PKP2: variants seen among roughly 807,000 people sequenced by gnomAD.
PKP2 encodes plakophilin 2, also known as plakophilin-2.
PKP2 carries 73 observed loss-of-function variants against 83.4 expected under a neutral mutation model. The ratio of observed to expected loss-of-function variants is 0.88; its 90% CI spans 0.72 to 1.06. PKP2 has a LOEUF of 1.06. PKP2 is among the 50% of genes least tolerant of loss of function. The pLI is 0.00. For synonymous variants in PKP2, 409 were observed against 430.4 expected (o/e 0.95, Z 0.62); for missense variants, 966 against 1,065.4 (o/e 0.91, Z 1.30).
intron 1 of PKP2, among the ~76,000 whole-genome samples, chr12:32,895,562 A>C (rs1957115036): frequency 6.6e-6 from 1 of 152,214 alleles, no homozygotes; most frequent in Non-Finnish European, 1.5e-5. Flanking sequence ...AAGCCAACAT[A>C]GTGCTTTTAT....
At chr12:32,797,485 ACCCACGT>A in intron 10 of PKP2, among the ~76,000 whole-genome samples, 1 of 147,350 alleles carries the variant, frequency 6.8e-6, no homozygotes. Context: ...TTACCAAAAA[ACCCACGT>A]AAGAAACCTG....
chr12:32,831,778 A>T (rs1956503437), intron 6 of PKP2, among the ~76,000 whole-genome samples: 1 of 152,212 alleles, frequency 6.6e-6, no homozygotes, highest in Non-Finnish European at 1.5e-5. Flanking sequence ...TATGAATAGG[A>T]CAGTGGAAAA....
chr12:32,851,899 C>A (rs1204521331), intron 4 of PKP2, among the ~76,000 whole-genome samples: 3 of 152,098 alleles, frequency 2.0e-5, no homozygotes, highest in East Asian at 1.9e-4. Context: ...TCCTTCTATC[C>A]AAATACGTAA....
At chr12:32,859,111 G>A (rs1329208989) in intron 4 of PKP2, among the ~76,000 whole-genome samples, 2 of 152,080 alleles carry the variant, frequency 1.3e-5, no homozygotes, top group Admixed American at 6.5e-5. Flanking sequence ...TATGTCAATT[G>A]TATTTGTTAT....
At position 32,792,160 on chromosome 12, in the gene PKP2, T is replaced by C; in HGVS notation, c.*264A>G. On this transcript the variant is annotated 3_prime_UTR_variant, in exon 13 of 13. Transcript: ENST00000340811. ...CTTCCACATGAATTCACATTTTGAT[T>C]CCAGGAAGCCATGTACCATAAGCCC... The C allele has an allele frequency of 2.0e-6, 1 of 500,586 alleles. No individual in the cohort carries two copies. Among genetic ancestry groups the C allele is most frequent in the South Asian group, 2.2e-5 (1 of 45,398 alleles). 31.0% of individuals were successfully genotyped at this position (500,586 alleles called of 1,614,324 possible).
In PKP2 at chr12:32,792,489, G is replaced by T; in HGVS notation, c.2449C>A (p.Gln817Lys). Residue 817 changes from glutamine (Q) to lysine (K), a missense_variant, in exon 13 of 13, where the codon CAG becomes AAG. By Grantham distance (53) the Gln-to-Lys change is moderately conservative. Transcript: ENST00000340811. ...TELHHAYKKA[Q>K]FKKTDFVNSR... ...TTGACAAAATCTGTCTTCTTAAACT[G>T]AGCCTTTGGAATAAGCAAACAGAAA... 1 of 1,613,334 alleles carries T rather than the reference G, an allele frequency of 6.2e-7. No homozygotes were observed. Among genetic ancestry groups the T allele is most frequent in the Non-Finnish European group, 8.5e-7 (1 of 1,179,326 alleles).
intron 5 of PKP2, among the ~76,000 whole-genome samples, chr12:32,849,513 C>T (rs971602720): frequency 1.3e-5 from 2 of 152,338 alleles, no homozygotes; most frequent in African/African-American, 4.8e-5. Context: ...GCTACTGCAC[C>T]CAGCCCCTCC....
intron 5 of PKP2, among the ~76,000 whole-genome samples, chr12:32,845,438 T>G (rs1362644622): frequency 1.3e-5 from 2 of 151,872 alleles, no homozygotes; most frequent in African/African-American, 4.8e-5. Flanking sequence ...TGTAGTCCCA[T>G]CTACTTGGGA....
At chr12:32,853,730 C>T (rs180839978) in intron 4 of PKP2, among the ~76,000 whole-genome samples, 35 of 152,236 alleles carry the variant, frequency 2.3e-4, no homozygotes, top group African/African-American at 7.9e-4. Flanking sequence ...AGGCTGGTCT[C>T]GAACTCCCAA....
intron 5 of PKP2, chr12:32,843,195 C>G: frequency 1.9e-6 from 1 of 539,824 alleles, no homozygotes; most frequent in East Asian, 5.5e-5. Context: ...GTTGGTCAGG[C>G]TGGTCTCGAA....
intron 9 of PKP2, among the ~76,000 whole-genome samples, chr12:32,809,097 C>T (rs1446750843): frequency 1.3e-5 from 2 of 152,172 alleles, no homozygotes; most frequent in African/African-American, 4.8e-5. Flanking sequence ...TGCCCAGACT[C>T]TCTAGAGTAG....
At chr12:32,801,532 T>C (rs1169247037) in intron 10 of PKP2, among the ~76,000 whole-genome samples, 1 of 152,180 alleles carries the variant, frequency 6.6e-6, no homozygotes, top group Non-Finnish European at 1.5e-5. Flanking sequence ...GAAAATGACA[T>C]TACTAAAACA....
chr12:32,838,343 C>A (rs1956560966), intron 6 of PKP2, among the ~76,000 whole-genome samples: 1 of 152,024 alleles, frequency 6.6e-6, no homozygotes, highest in Non-Finnish European at 1.5e-5. Flanking sequence ...AGGGACAGAG[C>A]AGGAAAAAGG....
Position 32,802,419 on chromosome 12 carries a change from A to G in PKP2, c.2151T>C (p.Ser717=), listed in dbSNP as rs1378958598. ...SLLRNLSRNL[S]LQNEIAKETL... is the part of the protein sequence containing the mutation. Reference sequence around the variant, plus strand: ...CCGACTCACCAATTTCATTCTGCAGAGAAAGATTCCGGGACAGATTCCTCA... The same window carrying G: ...CCGACTCACCAATTTCATTCTGCAGGGAAAGATTCCGGGACAGATTCCTCA... The change falls in exon 10 of 13, where the codon TCT becomes TCC. Residue 717 remains serine (S), a synonymous_variant. Coordinates refer to ENST00000340811, the MANE Select transcript of PKP2 (RefSeq NM_001005242.3). The G allele has an allele frequency of 1.9e-6, 3 of 1,614,160 alleles. No homozygotes were observed. Among genetic ancestry groups the G allele is most frequent in the African/African-American group, 2.7e-5 (2 of 75,044 alleles).
At chr12:32,880,125 G>A (rs1044573493) in intron 1 of PKP2, among the ~76,000 whole-genome samples, 3 of 151,196 alleles carry the variant, frequency 2.0e-5, no homozygotes, top group Non-Finnish European at 2.9e-5. Flanking sequence ...AGGATAGGCC[G>A]GGCGTGGTGG....
chr12:32,872,403 G>A (rs960594707), intron 3 of PKP2, among the ~76,000 whole-genome samples: 3 of 152,016 alleles, frequency 2.0e-5, no homozygotes, highest in East Asian at 1.9e-4. Flanking sequence ...GCGTGGTGGC[G>A]GGCACCTGTA....
chr12:32,819,076 G>A (rs1956347795), intron 9 of PKP2, among the ~76,000 whole-genome samples: 4 of 151,980 alleles, frequency 2.6e-5, no homozygotes, highest in Admixed American at 2.6e-4. Flanking sequence ...TGAGGAGTTT[G>A]AGACCAGCCT....
rs1038577817 is a variant in PKP2, at chr12:32,791,179, C to T, written c.*1245G>A. The stretch of plus-strand genomic sequence containing the variant: ...TATATGAATGGTTTTAATCATAGCG[C>T]AGTTAAAACAACATTTAATGTAGAT... On this transcript the variant is annotated 3_prime_UTR_variant, in exon 13 of 13. Transcript: ENST00000340811. 1.3e-5 allele frequency: 2 copies of T among 151,744 alleles called. No individual in the cohort carries two copies. The highest frequency in any genetic ancestry group is 4.8e-5 in the African/African-American group (2 of 41,282). The allele number at this position is 151,744 out of a possible 1,614,324, so 9.4% of individuals were successfully genotyped here. A position where few individuals can be genotyped will look rare whatever the true frequency, so the allele number is the denominator to read the frequency against.
At chr12:32,886,835 T>C (rs1591832266) in intron 1 of PKP2, among the ~76,000 whole-genome samples, 1 of 151,956 alleles carries the variant, frequency 6.6e-6, no homozygotes. Context: ...CTACAAAATT[T>C]TAAAAATTTA....
Sources: gnomAD v4.1 joint callset for allele counts (sites outside exome capture counted in the v4.1 genomes callset) on GRCh38, gnomAD v4.1.1 for gene constraint, MANE v1.5 for transcripts, NCBI Gene and HGNC (gene_info 2026-07-23, HGNC 2026-07-21) for gene names.